DYNC1I1: variants seen among roughly 807,000 people sequenced by gnomAD.
DYNC1I1 encodes cytoplasmic dynein 1 intermediate chain 1.
DYNC1I1 carries 43 observed loss-of-function variants against 86.6 expected under a neutral mutation model. The observed-to-expected ratio is 0.50, with a 90% CI of 0.39 to 0.64. The LOEUF (loss-of-function observed/expected upper bound fraction) is 0.64. DYNC1I1 is among the 30% of genes least tolerant of loss of function. DYNC1I1 has a pLI of 0.00. For synonymous variants in DYNC1I1, 262 were observed against 283.7 expected (o/e 0.92, Z 0.77); for missense variants, 604 against 788.8 (o/e 0.77, Z 2.81).
At chr7:96,052,466 C>G (rs1789433537) in intron 14 of DYNC1I1, among the ~76,000 whole-genome samples, 3 of 152,106 alleles carry the variant, frequency 2.0e-5, no homozygotes, top group Middle Eastern at 3.2e-3. Context: ...TACTTAACCT[C>G]TCTGTGCTGC....
intron 7 of DYNC1I1, among the ~76,000 whole-genome samples, chr7:95,981,459 A>G (rs1353915250): frequency 2.0e-5 from 3 of 152,048 alleles, no homozygotes; most frequent in Non-Finnish European, 4.4e-5. Flanking sequence ...GCAGGCCACA[A>G]ATTTGTAGAA....
Position 96,081,067 on chromosome 7 carries a change from C to CA in DYNC1I1, c.1776+589dup, listed in dbSNP as rs1278485393. Among the ~76,000 whole-genome samples, 43 of 61,582 alleles carry CA rather than the reference C, an allele frequency of 7.0e-4. 1 individual carries two copies. Among genetic ancestry groups the CA allele is most frequent in the East Asian group, 9.7e-4 (2 of 2,060 alleles). The allele number at this position is 61,582 out of a possible 152,430, so 40.4% of individuals were successfully genotyped here. ...CCTGGGTGGCAGAGAGACTCCATCT[C>CA]AAAAAAAAAAGAAAAAGAAAAGAAA... On this transcript the variant is annotated intron_variant, in intron 16 of 16. Transcript: ENST00000447467.
At chr7:96,006,447 C>T (rs1198944339) in intron 10 of DYNC1I1, among the ~76,000 whole-genome samples, 1 of 152,160 alleles carries the variant, frequency 6.6e-6, no homozygotes, top group Non-Finnish European at 1.5e-5. Flanking sequence ...CTCTTGTGTG[C>T]TTTGTCAAAT....
At chr7:95,802,444 G>C (rs1048270134) in intron 1 of DYNC1I1, among the ~76,000 whole-genome samples, 1 of 152,286 alleles carries the variant, frequency 6.6e-6, no homozygotes, top group Middle Eastern at 3.4e-3. Context: ...TTTCCCAGCA[G>C]CTTGCCTTAT....
intron 6 of DYNC1I1, among the ~76,000 whole-genome samples, chr7:95,912,156 T>C (rs12704825): frequency 0.15 from 22,609 of 151,990 alleles, 1,775 homozygotes; most frequent in East Asian, 0.22. Flanking sequence ...CCTTCCTCAG[T>C]CTCCTGAGTA....
chr7:95,846,621 C>CTGTG (rs750813234), intron 5 of DYNC1I1, among the ~76,000 whole-genome samples: 7,310 of 119,670 alleles, frequency 0.061, 403 homozygotes, highest in East Asian at 0.2. Flanking sequence ...TGATAAATCT[C>CTGTG]TCTCTCTGTG....
chr7:96,098,782 T>C (rs1427099559), downstream of DYNC1I1, among the ~76,000 whole-genome samples: 8 of 152,214 alleles, frequency 5.3e-5, no homozygotes, highest in African/African-American at 1.7e-4. Flanking sequence ...CTAGGAAATA[T>C]GTCTATAAAC....
intron 6 of DYNC1I1, among the ~76,000 whole-genome samples, chr7:95,873,655 G>A (rs1790231385): frequency 6.6e-6 from 1 of 152,190 alleles, no homozygotes; most frequent in Admixed American, 6.5e-5. Flanking sequence ...AGGTCCTGCT[G>A]ACATGATGCT....
intron 1 of DYNC1I1, among the ~76,000 whole-genome samples, chr7:95,784,206 CTGG>C (rs1312942899): frequency 6.6e-6 from 1 of 152,114 alleles, no homozygotes. Flanking sequence ...TCTGATAGAT[CTGG>C]TAATTCAGGT....
chr7:95,942,260 T>TA (rs1188466511), intron 6 of DYNC1I1, among the ~76,000 whole-genome samples: 1 of 151,752 alleles, frequency 6.6e-6, no homozygotes, highest in Non-Finnish European at 1.5e-5. Context: ...GCAAATAAAC[T>TA]AGAAAATCTA....
chr7:95,837,215 G>T, intron 5 of DYNC1I1, among the ~76,000 whole-genome samples: 1 of 151,984 alleles, frequency 6.6e-6, no homozygotes, highest in African/African-American at 2.4e-5. Flanking sequence ...AGGTCTGTTG[G>T]AGTACCCTGC....
intron 7 of DYNC1I1, among the ~76,000 whole-genome samples, chr7:95,980,965 G>A (rs1181274339): frequency 1.3e-5 from 2 of 152,072 alleles, no homozygotes; most frequent in African/African-American, 4.8e-5. Flanking sequence ...TCCCATGAGA[G>A]CCACTGTCCT....
At chr7:95,949,298 C>T (rs1006731281) in intron 6 of DYNC1I1, among the ~76,000 whole-genome samples, 1 of 152,140 alleles carries the variant, frequency 6.6e-6, no homozygotes, top group Non-Finnish European at 1.5e-5. Context: ...GCACATAAAT[C>T]CCTTTTGGAA....
chr7:95,855,872 TAGTG>T (rs1789707018), intron 5 of DYNC1I1, among the ~76,000 whole-genome samples: 1 of 150,332 alleles, frequency 6.7e-6, no homozygotes, highest in African/African-American at 2.4e-5. Context: ...CTGGGTTAGT[TAGTG>T]AGTGAGTGGT....
chr7:95,840,647 T>TGC (rs1789255766), intron 5 of DYNC1I1, among the ~76,000 whole-genome samples: 1 of 152,230 alleles, frequency 6.6e-6, no homozygotes, highest in South Asian at 2.1e-4. Context: ...GCACATTTTA[T>TGC]AGAACAACCA....
In DYNC1I1 at chr7:96,097,772, A is replaced by G; in HGVS notation, c.*179A>G. The G allele has an allele frequency of 1.5e-6, 2 of 1,310,940 alleles. No homozygotes were observed. Among genetic ancestry groups the G allele is most frequent in the Non-Finnish European group, 1.9e-6 (2 of 1,026,486 alleles). 81.2% of individuals were successfully genotyped at this position (1,310,940 alleles called of 1,614,324 possible). A position where few individuals can be genotyped will look rare whatever the true frequency, so the allele number is the denominator to read the frequency against. ...ATGTGTCCCATCATGCTTTCCACTG[A>G]CCCAAAATTCACCACAGCATTTCTA... On this transcript the variant is annotated 3_prime_UTR_variant, in exon 17 of 17. Transcript: ENST00000447467.
chr7:95,822,197 A>G (rs889233080), intron 4 of DYNC1I1, among the ~76,000 whole-genome samples: 1 of 152,218 alleles, frequency 6.6e-6, no homozygotes. Context: ...TTTCTGTCTC[A>G]TAAACTGAAA....
intron 6 of DYNC1I1, among the ~76,000 whole-genome samples, chr7:95,909,166 C>T (rs1009381627): frequency 4.4e-5 from 6 of 135,374 alleles, no homozygotes; most frequent in Non-Finnish European, 6.1e-5. Flanking sequence ...GAAAGAGGAG[C>T]TCAGTAATGA....
At chr7:96,055,257 C>T (rs1312135340) in intron 14 of DYNC1I1, among the ~76,000 whole-genome samples, 1 of 151,634 alleles carries the variant, frequency 6.6e-6, no homozygotes, top group African/African-American at 2.4e-5. Context: ...TGGGGTCTGT[C>T]GGGGGCTTGG....
Sources: gnomAD v4.1 joint callset for allele counts (sites outside exome capture counted in the v4.1 genomes callset) on GRCh38, gnomAD v4.1.1 for gene constraint, MANE v1.5 for transcripts, NCBI Gene and HGNC (gene_info 2026-07-23, HGNC 2026-07-21) for gene names.